Variants in BPGM observed in about 807,000 individuals in gnomAD.
BPGM encodes the protein 2,3-bisphosphoglycerate mutase, erythrocyte.
BPGM carries 15 observed loss-of-function variants against 21.6 expected under a neutral mutation model. That is an observed-to-expected ratio of 0.70 (90% CI 0.47 to 1.07). The LOEUF is 1.07. Among genes scored for constraint, BPGM ranks in the 50% least tolerant of loss-of-function variants. The pLI is 0.00. For synonymous variants in BPGM, 113 were observed against 116.2 expected, an observed-to-expected ratio of 0.97 and a Z score of 0.18; for missense variants, 273 against 319.0, an observed-to-expected ratio of 0.86 and a Z score of 1.10.
At chr7:134,659,988 A>C (rs188563741) in intron 1 of BPGM, among the ~76,000 whole-genome samples, 2 of 152,192 alleles carry the variant, frequency 1.3e-5, no homozygotes, top group Non-Finnish European at 2.9e-5. Flanking sequence ...AGTACATTCT[A>C]TGTTGTTTGC....
intron 2 of BPGM, among the ~76,000 whole-genome samples, chr7:134,665,909 G>A (rs1049669988): frequency 2.5e-4 from 37 of 150,468 alleles, no homozygotes; most frequent in Admixed American, 4.6e-4. Flanking sequence ...ACAAAGTCTC[G>A]CTGTGTTGCC....
intron 1 of BPGM, among the ~76,000 whole-genome samples, chr7:134,649,125 A>G (rs1321192121): frequency 2.0e-5 from 3 of 152,210 alleles, no homozygotes; most frequent in Non-Finnish European, 4.4e-5. Flanking sequence ...TTATGTTTCA[A>G]ACAATCCAAT....
intron 1 of BPGM, among the ~76,000 whole-genome samples, chr7:134,654,369 C>A (rs1324247603): frequency 6.6e-6 from 1 of 152,156 alleles, no homozygotes; most frequent in Non-Finnish European, 1.5e-5. Flanking sequence ...CCTCAGGTTT[C>A]AATGTGACAG....
intron 2 of BPGM, among the ~76,000 whole-genome samples, chr7:134,668,549 GC>G (rs1795853825): frequency 6.6e-6 from 1 of 152,182 alleles, no homozygotes; most frequent in Admixed American, 6.5e-5. Flanking sequence ...CATACTGCAT[GC>G]CAAGCACAGT....
intron 2 of BPGM, among the ~76,000 whole-genome samples, chr7:134,666,331 AG>A (rs1174799368): frequency 6.6e-6 from 1 of 152,186 alleles, no homozygotes; most frequent in African/African-American, 2.4e-5. Flanking sequence ...TGACTTCAGT[AG>A]GAAGTATGTG....
intron 2 of BPGM, among the ~76,000 whole-genome samples, chr7:134,664,769 G>A (rs962261788): frequency 6.6e-6 from 1 of 152,208 alleles, no homozygotes; most frequent in African/African-American, 2.4e-5. Context: ...GAAAGGGAAG[G>A]TGATGCTGAT....
At chr7:134,676,906 C>CA (rs1056986009) in intron 2 of BPGM, among the ~76,000 whole-genome samples, 1 of 152,144 alleles carries the variant, frequency 6.6e-6, no homozygotes, top group Non-Finnish European at 1.5e-5. Context: ...GGCTGTTGTG[C>CA]GGCTAGCTGA....
In BPGM at chr7:134,661,946, G is replaced by A. The variant is rs761063342; in HGVS notation, c.439G>A (p.Val147Met). The A allele has an allele frequency of 2.5e-6, 4 of 1,614,040 alleles. No homozygotes were observed. The highest frequency in any genetic ancestry group is 3.4e-6 in the Non-Finnish European group (4 of 1,180,018). ...CGACCGGAGGTATAAAGTATGCGATGTGCCCTTGGATCAACTGCCACGGTC... is the reference window on the plus strand; with the variant it reads ...CGACCGGAGGTATAAAGTATGCGATATGCCCTTGGATCAACTGCCACGGTC... ...YNDRRYKVCD[V>M]PLDQLPRSES... Residue 147 changes from valine to methionine, a missense_variant, in exon 2 of 3, where the codon GTG becomes ATG. By Grantham distance (21) the Val-to-Met change is conservative. Transcript: ENST00000344924. The surrounding 1 kb of genome is among the most constrained non-coding windows in gnomAD (Gnocchi z 4.6).
chr7:134,668,028 T>C (rs922566416), intron 2 of BPGM, among the ~76,000 whole-genome samples: 11 of 151,858 alleles, frequency 7.2e-5, no homozygotes, highest in Admixed American at 3.3e-4. Context: ...CTAGTATTAC[T>C]CATCTCCTCT....
At chr7:134,651,472 T>C (rs1197255791) in intron 1 of BPGM, among the ~76,000 whole-genome samples, 5 of 152,088 alleles carry the variant, frequency 3.3e-5, no homozygotes, top group Non-Finnish European at 7.4e-5. Flanking sequence ...GCCTCAGTTA[T>C]GGGAGAAATA....
At chr7:134,647,998 A>T (rs1480190275) in intron 1 of BPGM, among the ~76,000 whole-genome samples, 1 of 151,734 alleles carries the variant, frequency 6.6e-6, no homozygotes, top group Non-Finnish European at 1.5e-5. Flanking sequence ...GGGTTTCACC[A>T]TGTTGGCCAG....
At chr7:134,677,032 G>A (rs541015332) in intron 2 of BPGM, among the ~76,000 whole-genome samples, 3 of 152,284 alleles carry the variant, frequency 2.0e-5, no homozygotes, top group Admixed American at 1.3e-4. Context: ...AGTTTGTGAT[G>A]GTAATCTTCT....
intron 2 of BPGM, among the ~76,000 whole-genome samples, chr7:134,677,609 C>T (rs1307111665): frequency 6.6e-6 from 1 of 152,178 alleles, no homozygotes; most frequent in Non-Finnish European, 1.5e-5. Flanking sequence ...TGATTACTAA[C>T]CAATAACAAC....
intron 2 of BPGM, among the ~76,000 whole-genome samples, chr7:134,669,897 G>A (rs1795878029): frequency 6.6e-6 from 1 of 152,062 alleles, no homozygotes; most frequent in African/African-American, 2.4e-5. Flanking sequence ...GCCCACCTCT[G>A]ACTGGTTCAG....
At chr7:134,675,295 G>A (rs926253096) in intron 2 of BPGM, among the ~76,000 whole-genome samples, 2 of 151,758 alleles carry the variant, frequency 1.3e-5, no homozygotes, top group African/African-American at 4.8e-5. Flanking sequence ...TATGCTTTTG[G>A]TGTCATATCT....
intron 2 of BPGM, among the ~76,000 whole-genome samples, chr7:134,664,864 A>T (rs997855881): frequency 2.6e-5 from 4 of 152,238 alleles, no homozygotes; most frequent in African/African-American, 9.6e-5. Flanking sequence ...AGAGGATTTC[A>T]TTTATATGAA....
Position 134,662,069 on chromosome 7 carries a change from C to A in BPGM, c.562C>A (p.His188Asn). ...TGGCAAAACCATTCTGATATCTGCT[C>A]ATGGAAATAGCAGTAGGGCACTCCT... ...LRGKTILISAHGNSSRALLKH... is the reference protein window; with the variant it reads ...LRGKTILISANGNSSRALLKH... Residue 188 changes from histidine to asparagine, a missense_variant, in exon 2 of 3, where the codon CAT becomes AAT. His to Asn is a moderately conservative substitution (Grantham distance 68). Coordinates refer to ENST00000344924, the MANE Select transcript of BPGM (RefSeq NM_001724.5). 1 of 1,614,108 alleles carries A rather than the reference C, an allele frequency of 6.2e-7. No homozygotes were observed. The highest frequency in any genetic ancestry group is 8.5e-7 in the Non-Finnish European group (1 of 1,180,008).
At chr7:134,655,245 A>T (rs1795618765) in intron 1 of BPGM, among the ~76,000 whole-genome samples, 1 of 152,192 alleles carries the variant, frequency 6.6e-6, no homozygotes, top group South Asian at 2.1e-4. Context: ...TCCTCTTTAT[A>T]AGTTGGGGTG....
intron 2 of BPGM, among the ~76,000 whole-genome samples, chr7:134,666,257 T>G (rs1462921085): frequency 6.6e-6 from 1 of 152,144 alleles, no homozygotes; most frequent in African/African-American, 2.4e-5. Flanking sequence ...GAAAATGTTT[T>G]TATTTGGGGG....
Sources: allele counts gnomAD v4.1 joint callset (sites outside exome capture counted in the v4.1 genomes callset), GRCh38; gene constraint gnomAD v4.1.1; non-coding constraint Gnocchi (gnomAD v3.1); transcripts MANE v1.5; gene names NCBI Gene and HGNC (gene_info 2026-07-23, HGNC 2026-07-21).